Variants in SATB2 observed in about 807,000 individuals in gnomAD.
SATB2 encodes DNA-binding protein SATB2.
Under a neutral mutation model 73.4 loss-of-function variants are expected in SATB2, and 1 was observed. That is an observed-to-expected ratio of 0.01 (90% CI 0.00 to 0.06). The LOEUF (loss-of-function observed/expected upper bound fraction) is 0.06, where lower values mean the gene tolerates loss of function less well. Among genes scored for constraint, SATB2 ranks in the 10% least tolerant of loss-of-function variants. The probability of loss-of-function intolerance (pLI) is 1.00; values close to 1 mark genes in which losing one functional copy is unlikely to be tolerated. For missense variants in SATB2, 459 were observed against 945.8 expected (o/e 0.49, Z 6.75); for synonymous variants, 397 against 367.0 (o/e 1.08, Z -0.93).
intron 6 of SATB2, among the ~76,000 whole-genome samples, chr2:199,349,996 C>A (rs1688767716): frequency 6.6e-6 from 1 of 152,092 alleles, no homozygotes; most frequent in Non-Finnish European, 1.5e-5. Flanking sequence ...TAGCCAAATC[C>A]TTATCCAAGT....
chr2:199,369,889 T>G (rs1689392374), intron 5 of SATB2, among the ~76,000 whole-genome samples: 1 of 152,166 alleles, frequency 6.6e-6, no homozygotes, highest in East Asian at 1.9e-4. Flanking sequence ...TTAATTCAAT[T>G]CACAGAAACC....
chr2:199,273,637 C>T (rs138341259), intron 10 of SATB2, among the ~76,000 whole-genome samples: 49 of 152,166 alleles, frequency 3.2e-4, no homozygotes, highest in African/African-American at 5.3e-4. Flanking sequence ...TGAATTTAAA[C>T]GACCATTTTA....
At chr2:199,433,939 ATTTCTC>A (rs1188611274) in intron 2 of SATB2, among the ~76,000 whole-genome samples, 1 of 151,856 alleles carries the variant, frequency 6.6e-6, no homozygotes, top group Non-Finnish European at 1.5e-5. Flanking sequence ...AAAGTAATAT[ATTTCTC>A]TTTAAATATA....
chr2:199,433,294 T>C (rs757265189), intron 3 of SATB2, 44 bp downstream of exon 3: 2 of 1,573,370 alleles, frequency 1.3e-6, no homozygotes, highest in Non-Finnish European at 1.7e-6. Context: ...CCTCAAATTA[T>C]GACACACAAG....
chr2:199,308,715 C>T lies in SATB2; in HGVS notation c.1740+45G>A. ...GGACCCTCAGCAGCTACTGCTGGCA[C>T]ACAGAGCCCTGATCAGGTGGGGTAC... On this transcript the variant is annotated intron_variant, in intron 10 of 10. Transcript: ENST00000417098. The surrounding 1 kb of genome is among the most constrained non-coding windows in gnomAD (Gnocchi z 4.6). 6.4e-7 allele frequency: 1 copy of T among 1,557,516 alleles called. No homozygotes were observed. Among genetic ancestry groups the T allele is most frequent in the Non-Finnish European group, 8.9e-7 (1 of 1,129,836 alleles).
chr2:199,295,756 A>G (rs1250177359), intron 10 of SATB2, among the ~76,000 whole-genome samples: 3 of 152,146 alleles, frequency 2.0e-5, no homozygotes, highest in Non-Finnish European at 2.9e-5. Flanking sequence ...AAAATATTCT[A>G]TATCAAAAGG....
chr2:199,440,951 C>T (rs1021803141), intron 2 of SATB2, among the ~76,000 whole-genome samples: 2 of 151,682 alleles, frequency 1.3e-5, no homozygotes, highest in Non-Finnish European at 2.9e-5. Flanking sequence ...CAGGTTCAAG[C>T]GATTCTCCTG....
At chr2:199,349,635 A>C (rs989372155) in intron 6 of SATB2, among the ~76,000 whole-genome samples, 2 of 152,224 alleles carry the variant, frequency 1.3e-5, no homozygotes, top group Admixed American at 1.3e-4. Context: ...TCACATAAAT[A>C]TTATTATACA....
chr2:199,427,572 A>G (rs1229753513), intron 3 of SATB2, among the ~76,000 whole-genome samples: 1 of 152,172 alleles, frequency 6.6e-6, no homozygotes, highest in Non-Finnish European at 1.5e-5. Flanking sequence ...GATAAAATAT[A>G]ATATCTAAGA....
intron 3 of SATB2, among the ~76,000 whole-genome samples, chr2:199,428,090 G>C (rs370440309): frequency 6.6e-6 from 1 of 152,172 alleles, no homozygotes; most frequent in East Asian, 1.9e-4. Context: ...CAAAACATTT[G>C]TAAGTTTGAT....
chr2:199,326,758 T>C (rs1383366499), intron 8 of SATB2, among the ~76,000 whole-genome samples: 1 of 152,178 alleles, frequency 6.6e-6, no homozygotes, highest in Non-Finnish European at 1.5e-5. Flanking sequence ...TCAGTATGTA[T>C]GTCCCCAGAT....
In SATB2 at chr2:199,368,457, A is replaced by G. The variant is rs147979882; in HGVS notation, c.700+148T>C. The G allele has an allele frequency of 3.7e-4, 240 of 642,056 alleles. 1 individual carries two copies. The African/African-American group carries it at 4.0e-3, about 11-fold the overall frequency. The allele number at this position is 642,056 out of a possible 1,614,324, so 39.8% of individuals were successfully genotyped here. A position where few individuals can be genotyped will look rare whatever the true frequency, so the allele number is the denominator to read the frequency against. On this transcript the variant is annotated intron_variant, in intron 6 of 10. Coordinates refer to ENST00000417098, the MANE Select transcript of SATB2 (RefSeq NM_001172509.2). The stretch of plus-strand genomic sequence containing the variant: ...CTTCTTAGTTTTAAGGGAGCCAACT[A>G]GGATCTCATGACAGGAATATTAAAG...
chr2:199,335,406 T>C (rs1222990579), intron 7 of SATB2, among the ~76,000 whole-genome samples: 3 of 152,188 alleles, frequency 2.0e-5, no homozygotes, highest in Non-Finnish European at 4.4e-5. Flanking sequence ...TACATGTGTA[T>C]ATGTATGTAC....
Position 199,271,867 on chromosome 2 carries a change from C to T in SATB2, c.*344G>A. ...TAGTTCTTTTCATCCTGGTACTTGC[C>T]TGATGTAACTTCCGTTAAGTGCAAG... On this transcript the variant is annotated 3_prime_UTR_variant, in exon 11 of 11. Coordinates refer to ENST00000417098, the MANE Select transcript of SATB2 (RefSeq NM_001172509.2). 2.9e-6 allele frequency: 1 copy of T among 342,426 alleles called. No homozygotes were observed. The highest frequency in any genetic ancestry group is 2.9e-5 in the South Asian group (1 of 35,030). The allele number at this position is 342,426 out of a possible 1,614,324, so 21.2% of individuals were successfully genotyped here. A position where few individuals can be genotyped will look rare whatever the true frequency, so the allele number is the denominator to read the frequency against.
intron 3 of SATB2, among the ~76,000 whole-genome samples, chr2:199,393,024 T>C (rs2105883338): frequency 6.6e-6 from 1 of 152,194 alleles, no homozygotes; most frequent in Non-Finnish European, 1.5e-5. Context: ...GGATAGGAAA[T>C]TTGTCCTAGC....
Position 199,270,117 on chromosome 2 carries a change from G to A in SATB2, c.*2094C>T, listed in dbSNP as rs1472569598. The A allele has an allele frequency of 6.5e-6, 1 of 152,748 alleles. No homozygotes were observed. Among genetic ancestry groups the A allele is most frequent in the African/African-American group, 2.4e-5 (1 of 41,432 alleles). 9.5% of individuals were successfully genotyped at this position (152,748 alleles called of 1,614,324 possible). On this transcript the variant is annotated 3_prime_UTR_variant, in exon 11 of 11. Coordinates refer to ENST00000417098, the MANE Select transcript of SATB2 (RefSeq NM_001172509.2). ...AGGAAGCAGCAACCATGGACTTTCT[G>A]ATTAAAGCTGCAGCATACTACAGAA...
chr2:199,469,327 G>A (rs562817301), upstream of SATB2, among the ~76,000 whole-genome samples: 10 of 152,278 alleles, frequency 6.6e-5, no homozygotes, highest in Admixed American at 2.0e-4. Flanking sequence ...TCAGCTCCGA[G>A]GTCTTCCCGC....
At chr2:199,415,298 A>G (rs1690944053) in intron 3 of SATB2, among the ~76,000 whole-genome samples, 1 of 152,206 alleles carries the variant, frequency 6.6e-6, no homozygotes, top group African/African-American at 2.4e-5. Context: ...CAAAGAAATA[A>G]CCATTCAAAA....
intron 5 of SATB2, among the ~76,000 whole-genome samples, chr2:199,372,520 A>C (rs941065316): frequency 1.3e-5 from 2 of 152,190 alleles, no homozygotes; most frequent in Admixed American, 1.3e-4. Flanking sequence ...GATTATAAGC[A>C]TGGTTCCATT....
Sources: gnomAD v4.1 joint callset for allele counts (sites outside exome capture counted in the v4.1 genomes callset) on GRCh38, gnomAD v4.1.1 for gene constraint, Gnocchi (gnomAD v3.1) non-coding constraint, MANE v1.5 for transcripts, NCBI Gene and HGNC (gene_info 2026-07-23, HGNC 2026-07-21) for gene names.